Variants in CADPS observed in about 807,000 individuals in gnomAD.
CADPS encodes the protein calcium-dependent secretion activator 1.
In CADPS, 57 loss-of-function variants were observed where a neutral mutation model predicts 167.3. The observed-to-expected ratio is 0.34, with a 90% CI of 0.28 to 0.42. The LOEUF is 0.42. CADPS is among the 20% of genes least tolerant of loss of function. CADPS has a pLI of 1.00. For missense variants in CADPS, 1,414 were observed against 1,738.1 expected (o/e 0.81, Z 3.32); for synonymous variants, 676 against 635.3 (o/e 1.06, Z -0.96).
intron 26 of CADPS, among the ~76,000 whole-genome samples, chr3:62,448,629 G>GT (rs1441672188): frequency 6.6e-6 from 1 of 151,574 alleles, no homozygotes; most frequent in Non-Finnish European, 1.5e-5. Context: ...TTTGGGGGGG[G>GT]GTGGTATGGA....
Position 62,422,411 on chromosome 3 carries a change from G to T in CADPS, c.3777+15693C>A, listed in dbSNP as rs188885180. 3.0e-4 allele frequency among the ~76,000 whole-genome samples: 46 copies of T among 152,274 alleles called. No homozygotes were observed. In the East Asian group the frequency reaches 8.5e-3, roughly 28 times the overall value. On this transcript the variant is annotated intron_variant, in intron 28 of 29. Transcript: ENST00000383710. ...TTTCAAGAGTTGGCTAACAGCTGACGATCTATCGGGAAAGCTCTTTAAAGT... is the reference window on the plus strand; with the variant it reads ...TTTCAAGAGTTGGCTAACAGCTGACTATCTATCGGGAAAGCTCTTTAAAGT...
intron 1 of CADPS, among the ~76,000 whole-genome samples, chr3:62,807,864 CT>C (rs1487544087): frequency 5.5e-4 from 82 of 149,146 alleles, no homozygotes; most frequent in African/African-American, 1.9e-3. Context: ...CTTGGTATTT[CT>C]TTTTTCTTTC....
intron 10 of CADPS, among the ~76,000 whole-genome samples, chr3:62,551,098 C>T (rs766728795): frequency 1.3e-5 from 2 of 152,098 alleles, no homozygotes; most frequent in Admixed American, 1.3e-4. Flanking sequence ...GGCCTTCACA[C>T]TTCTCTCTCC....
At chr3:62,765,543 T>G (rs1043781978) in intron 2 of CADPS, among the ~76,000 whole-genome samples, 2 of 152,310 alleles carry the variant, frequency 1.3e-5, no homozygotes, top group Non-Finnish European at 2.9e-5. Flanking sequence ...CCTTGAGTAA[T>G]TAATTTAACC....
intron 10 of CADPS, 79 bp downstream of exon 10, chr3:62,557,326 G>T (rs9823503): frequency 0.029 from 27,039 of 943,392 alleles, 549 homozygotes; most frequent in African/African-American, 0.073. Flanking sequence ...TGGAGTAAGT[G>T]CCCAGCAATT....
In CADPS at chr3:62,550,132, T is replaced by A; in HGVS notation, c.1754-17A>T. The A allele has an allele frequency of 1.3e-6, 2 of 1,594,872 alleles. No individual in the cohort carries two copies. The highest frequency in any genetic ancestry group is 2.2e-5 in the South Asian group (2 of 90,650). On this transcript the variant is annotated splice_polypyrimidine_tract_variant and intron_variant, in intron 10 of 29. Coordinates refer to ENST00000383710, the MANE Select transcript of CADPS (RefSeq NM_003716.4). ...CCTCCAAACCTGGAAGAAAAGGGAG[T>A]AACAACTTCTACTAAGCTGAGCTGT...
At chr3:62,570,054 C>G (rs1036900311) in intron 9 of CADPS, among the ~76,000 whole-genome samples, 1 of 152,078 alleles carries the variant, frequency 6.6e-6, no homozygotes, top group African/African-American at 2.4e-5. Context: ...TCCATATACA[C>G]AGATATTCCC....
chr3:62,736,116 G>C (rs943235895), intron 3 of CADPS, among the ~76,000 whole-genome samples: 1 of 152,120 alleles, frequency 6.6e-6, no homozygotes, highest in Non-Finnish European at 1.5e-5. Context: ...CAAGTTCCAA[G>C]GATACCTGTG....
At chr3:62,454,792 G>T (rs1188880129) in intron 26 of CADPS, among the ~76,000 whole-genome samples, 1 of 152,124 alleles carries the variant, frequency 6.6e-6, no homozygotes, top group Admixed American at 6.6e-5. Context: ...AAACTGAGTT[G>T]CAGGGCTACT....
chr3:62,600,117 C>T (rs2059741036), intron 6 of CADPS, among the ~76,000 whole-genome samples: 1 of 147,428 alleles, frequency 6.8e-6, no homozygotes, highest in Admixed American at 7.0e-5. Flanking sequence ...CCCCTTTCAA[C>T]TGAGGGCTTT....
At chr3:62,846,222 C>A (rs2077408763) in intron 1 of CADPS, among the ~76,000 whole-genome samples, 1 of 152,088 alleles carries the variant, frequency 6.6e-6, no homozygotes, top group Admixed American at 6.6e-5. Flanking sequence ...AAATAAATTA[C>A]CCAGTCTCAG....
At chr3:62,786,937 T>A (rs185600413) in intron 1 of CADPS, among the ~76,000 whole-genome samples, 5 of 152,298 alleles carry the variant, frequency 3.3e-5, no homozygotes, top group Admixed American at 3.3e-4. Flanking sequence ...GCAATGCCTG[T>A]CTTTCATTTG....
At chr3:62,644,072 C>G (rs943610674) in intron 6 of CADPS, among the ~76,000 whole-genome samples, 9 of 152,198 alleles carry the variant, frequency 5.9e-5, no homozygotes, top group African/African-American at 1.9e-4. Flanking sequence ...TTTGCCTATT[C>G]ATGCAAAGAG....
intron 14 of CADPS, 23 bp from the exon 15 acceptor site, chr3:62,516,666 G>A (rs2151675476): frequency 6.4e-7 from 1 of 1,571,240 alleles, no homozygotes; most frequent in East Asian, 2.3e-5. Context: ...AAATTCTTCA[G>A]GTTGCCTAAA....
At position 62,398,518 on chromosome 3, in the gene CADPS, T is replaced by C. The variant is rs1302676558; in HGVS notation, c.*888A>G. ...GTTACAGATCAAAATGCAATGTACA[T>C]GACAGATATAAAAAACAGTGTGGAA... On this transcript the variant is annotated 3_prime_UTR_variant, in exon 30 of 30. Coordinates refer to ENST00000383710, the MANE Select transcript of CADPS (RefSeq NM_003716.4). 2 of 152,728 alleles carry C rather than the reference T, an allele frequency of 1.3e-5. No individual in the cohort carries two copies. The highest frequency in any genetic ancestry group is 3.9e-4 in the East Asian group (2 of 5,186). The allele number at this position is 152,728 out of a possible 1,614,324, so 9.5% of individuals were successfully genotyped here.
Position 62,559,460 on chromosome 3 carries a change from C to A in CADPS, c.1645-1947G>T, listed in dbSNP as rs190708972. On this transcript the variant is annotated intron_variant, in intron 9 of 29. Coordinates refer to ENST00000383710, the MANE Select transcript of CADPS (RefSeq NM_003716.4). ...AGATTTCCTGTGACCCTCTGCATGA[C>A]AATGATCATAGATACTGCTGGAACG... Among the ~76,000 whole-genome samples the A allele has an allele frequency of 1.0e-3, 155 of 151,924 alleles. 1 individual carries two copies. The highest frequency in any genetic ancestry group is 3.6e-3 in the African/African-American group (150 of 41,438).
rs567856932 is a variant in CADPS, at chr3:62,401,473, A to G, written c.3882+1608T>C. On this transcript the variant is annotated intron_variant, in intron 29 of 29. Transcript: ENST00000383710. ...CTAATATTTATCCAATGTTGAATGA[A>G]TAAATAAATGCTTGCTGAATAATAA... Among the ~76,000 whole-genome samples, 167 of 152,356 alleles carry G rather than the reference A, an allele frequency of 1.1e-3. 1 individual carries two copies. Among genetic ancestry groups the G allele is most frequent in the African/African-American group, 3.8e-3 (160 of 41,578 alleles).
chr3:62,862,217 GTTTTT>G (rs34987223), intron 1 of CADPS, among the ~76,000 whole-genome samples: 13 of 131,836 alleles, frequency 9.9e-5, no homozygotes, highest in Non-Finnish European at 2.0e-4. Flanking sequence ...GAAAACAGTG[GTTTTT>G]TTTTTTTTTT....
At chr3:62,745,110 T>A (rs980725301) in intron 3 of CADPS, among the ~76,000 whole-genome samples, 1 of 151,970 alleles carries the variant, frequency 6.6e-6, no homozygotes, top group African/African-American at 2.4e-5. Context: ...TGAGACAGGG[T>A]CTTGCTCTGT....
Sources: allele counts gnomAD v4.1 joint callset (sites outside exome capture counted in the v4.1 genomes callset), GRCh38; gene constraint gnomAD v4.1.1; transcripts MANE v1.5; gene names NCBI Gene and HGNC (gene_info 2026-07-23, HGNC 2026-07-21).